Variants in CDH26 observed in about 807,000 individuals in gnomAD.
The protein encoded by CDH26 is cadherin-like protein 26.
A neutral mutation model predicts 90.3 loss-of-function variants in CDH26; 83 were observed. That is an observed-to-expected ratio of 0.92 (90% confidence interval 0.77 to 1.10). The LOEUF (loss-of-function observed/expected upper bound fraction) is 1.10, where lower values mean the gene tolerates loss of function less well. CDH26 is among the 50% of genes least tolerant of loss of function. CDH26 has a pLI of 0.00. For missense variants in CDH26, 1,013 were observed against 1,037.6 expected, an observed-to-expected ratio of 0.98 and a Z score of 0.33; for synonymous variants, 397 against 396.3, an observed-to-expected ratio of 1.00 and a Z score of -0.02.
At chr20:59,982,868 A>G (rs2061410396) in intron 4 of CDH26, 55 bp from the exon 5 acceptor site, 2 of 1,577,418 alleles carry the variant, frequency 1.3e-6, no homozygotes, top group East Asian at 2.2e-5. Context: ...TTATTTTATT[A>G]GAGTGTCATC....
At position 59,988,916 on chromosome 20, in the gene CDH26, G is replaced by A. The variant is rs965627362; in HGVS notation, c.1036G>A (p.Glu346Lys). 6 of 1,613,808 alleles carry A rather than the reference G, an allele frequency of 3.7e-6. No homozygotes were observed. Among genetic ancestry groups the A allele is most frequent in the African/African-American group, 1.3e-5 (1 of 74,902 alleles). The change falls in exon 9 of 18, where the codon GAG becomes AAG. Residue 346 changes from glutamate (E) to lysine (K), a missense_variant. Physicochemically the swap from Glu to Lys is moderately conservative, Grantham distance 56. Transcript: ENST00000348616. ...TCTGGGGTTCCAGCCTTTGGATTATGAGACTCGCCCAGCGCAAAGCCTCAT... is the reference window on the plus strand; with the variant it reads ...TCTGGGGTTCCAGCCTTTGGATTATAAGACTCGCCCAGCGCAAAGCCTCAT... ...ILNVIKPLDYETRPAQSLIIV... is the reference protein window; with the variant it reads ...ILNVIKPLDYKTRPAQSLIIV...
chr20:59,999,643 G>A lies in CDH26; in HGVS notation c.2077G>A (p.Gly693Arg), dbSNP rs1443631224. 3.1e-6 allele frequency: 5 copies of A among 1,614,124 alleles called. No individual in the cohort carries two copies. Among genetic ancestry groups the A allele is most frequent in the African/African-American group, 2.7e-5 (2 of 75,062 alleles). ...TCTGCTCATCTGCACAGCTGCAGCAGGACCCACGCAGGGAGTTAAGGTAAC... is the reference window on the plus strand; with the variant it reads ...TCTGCTCATCTGCACAGCTGCAGCAAGACCCACGCAGGGAGTTAAGGTAAC... ...PALLICTAAA[G>R]PTQGVKDLEE... The change falls in exon 14 of 18, where the codon GGA (glycine) becomes AGA (arginine). Residue 693 changes from glycine (G) to arginine (R), a missense_variant. By Grantham distance (125) the Gly-to-Arg change is moderately radical (BLOSUM62 -2). Coordinates refer to ENST00000348616, the MANE Select transcript of CDH26 (RefSeq NM_177980.4).
In CDH26 at chr20:60,021,877, C is replaced by T. The variant is rs866211880; in HGVS notation, c.948-9354C>T. On this transcript the variant is annotated intron_variant, in intron 7 of 8. Coordinates refer to the CDH26 transcript ENST00000370991. ...ACACACACACACACACACACACACA[C>T]ACACACACACACACACACACATATA... is the stretch of plus-strand genomic sequence containing the variant. Among the ~76,000 whole-genome samples, 407 of 99,462 alleles carry T rather than the reference C, an allele frequency of 4.1e-3. 5 individuals are homozygous for T. The highest frequency in any genetic ancestry group is 6.8e-3 in the Non-Finnish European group (298 of 43,518). The allele number at this position is 99,462 out of a possible 152,430, so 65.3% of individuals were successfully genotyped here.
rs1311716019 is a variant in CDH26 at position 59,992,101 on chromosome 20, AGACAAAACTATGTTCAGTCCAACAAG to A, written c.1284-274_1284-249del. Among the ~76,000 whole-genome samples the A allele has an allele frequency of 6.6e-6, 1 of 152,156 alleles. No homozygotes were observed. The highest frequency in any genetic ancestry group is 1.9e-4 in the East Asian group (1 of 5,180). ...CCAGGATGAATCATCTCCCCAAGGCAGACAAAACTATGTTCAGTCCAACAAGGAGGGGGACGCTTGGTCTTCTGGTG... is the reference window on the plus strand; with the variant it reads ...CCAGGATGAATCATCTCCCCAAGGCAGAGGGGGACGCTTGGTCTTCTGGTG... On this transcript the variant is annotated intron_variant, in intron 9 of 17. Transcript: ENST00000348616. The surrounding 1 kb of genome is among the most constrained non-coding windows in gnomAD (Gnocchi z 5.0).
downstream of CDH26, chr20:60,034,119 C>G (rs2062065993): frequency 1.3e-5 from 2 of 152,818 alleles, no homozygotes; most frequent in African/African-American, 4.8e-5. Context: ...CAGGAACTGT[C>G]AATATAGCAA....
intron 4 of CDH26, among the ~76,000 whole-genome samples, chr20:59,972,977 A>G (rs776310853): frequency 3.3e-5 from 5 of 152,232 alleles, no homozygotes; most frequent in Non-Finnish European, 7.3e-5. Flanking sequence ...TCCAATGAAC[A>G]TGCAAAGATG....
At chr20:59,983,852 A>G (rs2061422952) in intron 5 of CDH26, among the ~76,000 whole-genome samples, 2 of 152,188 alleles carry the variant, frequency 1.3e-5, no homozygotes, top group African/African-American at 4.8e-5. Flanking sequence ...CTAAAGGTGC[A>G]ATTTTACTGT....
At chr20:59,966,363 C>T (rs1430573954) in intron 1 of CDH26, among the ~76,000 whole-genome samples, 2 of 152,074 alleles carry the variant, frequency 1.3e-5, no homozygotes, top group Non-Finnish European at 2.9e-5. Context: ...ACTTCCCATC[C>T]ACTCACGAAG....
At position 59,999,615 on chromosome 20, in the gene CDH26, G is replaced by A. The variant is rs200846896; in HGVS notation, c.2049G>A (p.Pro683=). Residue 683 remains proline (P), a synonymous_variant, in exon 14 of 18, where the codon CCG becomes CCA. Coordinates refer to ENST00000348616, the MANE Select transcript of CDH26 (RefSeq NM_177980.4). ...QTWSDVEGQR[P]ALLICTAAAG... The stretch of plus-strand genomic sequence containing the variant: ...GGTCAGATGTTGAAGGCCAGAGGCC[G>A]GCTCTGCTCATCTGCACAGCTGCAG... 84 of 1,614,088 alleles carry A rather than the reference G, an allele frequency of 5.2e-5. No homozygotes were observed. Among genetic ancestry groups the A allele is most frequent in the Non-Finnish European group, 6.3e-5 (74 of 1,179,988 alleles).
chr20:59,993,535 T>C (rs1758750415), intron 10 of CDH26, among the ~76,000 whole-genome samples: 1 of 152,220 alleles, frequency 6.6e-6, no homozygotes, highest in African/African-American at 2.4e-5. Context: ...ATTCCTGAGT[T>C]ATTCACTTAG....
At chr20:60,022,962 A>C (rs1440463607) in intron 7 of CDH26, among the ~76,000 whole-genome samples, 1 of 152,230 alleles carries the variant, frequency 6.6e-6, no homozygotes, top group East Asian at 1.9e-4. Flanking sequence ...GCAGAATGGC[A>C]GCAACATTTC....
At chr20:60,008,806 C>T (rs1023183978) in intron 17 of CDH26, among the ~76,000 whole-genome samples, 1 of 152,254 alleles carries the variant, frequency 6.6e-6, no homozygotes, top group African/African-American at 2.4e-5. Context: ...TTCTCACTCC[C>T]ACTCCTTAGC....
chr20:60,007,542 T>G (rs1057163300), intron 17 of CDH26, among the ~76,000 whole-genome samples: 7 of 152,210 alleles, frequency 4.6e-5, no homozygotes, highest in African/African-American at 1.7e-4. Context: ...TTCAATTACA[T>G]GCAAATTAAG....
At chr20:59,999,059 A>G (rs2061640973) in intron 13 of CDH26, among the ~76,000 whole-genome samples, 1 of 152,184 alleles carries the variant, frequency 6.6e-6, no homozygotes, top group Non-Finnish European at 1.5e-5. Flanking sequence ...TTCTACTACT[A>G]AACTATAGGG....
chr20:59,976,716 G>A lies in CDH26; in HGVS notation c.393+4593G>A, dbSNP rs545286964. Among the ~76,000 whole-genome samples the A allele has an allele frequency of 7.9e-5, 12 of 152,274 alleles. No individual in the cohort carries two copies. In the South Asian group the frequency reaches 2.5e-3, roughly 32 times the overall value. ...AAGCCCTGAAGCCTCCCTCAGTCCT[G>A]CTGTGGGGGAGGAGGAGCACTGACC... On this transcript the variant is annotated intron_variant, in intron 4 of 17. Coordinates refer to ENST00000348616, the MANE Select transcript of CDH26 (RefSeq NM_177980.4).
rs760430859 is a variant in CDH26, at chr20:59,984,628, A to T, written c.542-11A>T. 1 of 1,601,838 alleles carries T rather than the reference A, an allele frequency of 6.2e-7. No individual in the cohort carries two copies. On this transcript the variant is annotated splice_polypyrimidine_tract_variant and intron_variant, in intron 5 of 17. Transcript: ENST00000348616. Reference sequence around the variant, plus strand: ...TATCTGATAGTAACAATTTTTAAAAATTCTTTCTAGGGCAACCTATTTTTC... The same window carrying T: ...TATCTGATAGTAACAATTTTTAAAATTTCTTTCTAGGGCAACCTATTTTTC...
rs144199904 is a variant in CDH26 at position 59,987,675 on chromosome 20, G to A, written c.1023+37G>A. ...CCGGTGACATACCAACCAGTTAGTGGCAGACGCTGAGGCCTCTTCTGTAGG... is the reference window on the plus strand; with the variant it reads ...CCGGTGACATACCAACCAGTTAGTGACAGACGCTGAGGCCTCTTCTGTAGG... On this transcript the variant is annotated intron_variant, in intron 8 of 17. Coordinates refer to ENST00000348616, the MANE Select transcript of CDH26 (RefSeq NM_177980.4). 461 of 1,551,268 alleles carry A rather than the reference G, an allele frequency of 3.0e-4. 2 individuals carry two copies. In the East Asian group the frequency reaches 8.1e-3, roughly 27 times the overall value.
chr20:60,020,076 G>A (rs998190214), intron 7 of CDH26, among the ~76,000 whole-genome samples: 2 of 152,192 alleles, frequency 1.3e-5, no homozygotes, highest in Non-Finnish European at 2.9e-5. Context: ...TAGGTCAGGG[G>A]CATATGTGTG....
Position 60,012,704 on chromosome 20 carries a change from TATTCA to T in CDH26, c.2474_2478del (p.Tyr825Ter). 6.2e-7 allele frequency: 1 copy of T among 1,614,006 alleles called. No homozygotes were observed. The highest frequency in any genetic ancestry group is 8.5e-7 in the Non-Finnish European group (1 of 1,180,010). Reference sequence around the variant, plus strand: ...AAAAGCGACTCCGTTTGAGGAAATATATTCAGAGTCAGGTGTTCCTTCCTAAAAAA... The same window carrying T: ...AAAAGCGACTCCGTTTGAGGAAATATGAGTCAGGTGTTCCTTCCTAAAAAA... On this transcript the variant is annotated frameshift_variant, in exon 18 of 18. Transcript: ENST00000348616. LOFTEE classifies it low-confidence loss of function (END_TRUNC).
Sources: gnomAD v4.1 joint callset for allele counts (sites outside exome capture counted in the v4.1 genomes callset) on GRCh38, gnomAD v4.1.1 for gene constraint, Gnocchi (gnomAD v3.1) non-coding constraint, MANE v1.5 for transcripts, NCBI Gene and HGNC (gene_info 2026-07-23, HGNC 2026-07-21) for gene names.